REL: variants seen among roughly 807,000 people sequenced by gnomAD.
The protein encoded by REL is proto-oncogene c-Rel.
Under a neutral mutation model 45.9 loss-of-function variants are expected in REL, and 15 were observed. The ratio of observed to expected loss-of-function variants is 0.33; its 90% CI spans 0.22 to 0.50. The LOEUF (loss-of-function observed/expected upper bound fraction) is 0.50, where lower values mean the gene tolerates loss of function less well. Ranked by LOEUF, REL falls within the 20% of genes least tolerant of loss-of-function variation. The pLI, the probability that REL is intolerant of heterozygous loss-of-function variation, is 0.98. For missense variants in REL, 601 were observed against 715.2 expected, an observed-to-expected ratio of 0.84 and a Z score of 1.82; for synonymous variants, 239 against 242.1, an observed-to-expected ratio of 0.99 and a Z score of 0.12.
intron 3 of REL, 90 bp from the exon 4 acceptor site, chr2:60,900,902 C>T: frequency 9.4e-7 from 1 of 1,058,390 alleles, no homozygotes; most frequent in Non-Finnish European, 1.4e-6. Context: ...CAACTGACAG[C>T]ATGATAACTT....
intron 4 of REL, among the ~76,000 whole-genome samples, chr2:60,908,021 C>G (rs755980884): frequency 6.6e-6 from 1 of 152,012 alleles, no homozygotes; most frequent in African/African-American, 2.4e-5. Context: ...AAAAATATCA[C>G]AGTTGTTTTC....
Position 60,902,616 on chromosome 2 carries a change from G to T in REL, c.394+1533G>T, listed in dbSNP as rs1168378070. On this transcript the variant is annotated intron_variant, in intron 4 of 9. Coordinates refer to ENST00000394479, the MANE Select transcript of REL (RefSeq NM_001291746.2). ...TCATCTTTTTTTTTTTTTTTTTTGA[G>T]GTAGTCTTGCTCTGTCGCCCAGGAT... 7.3e-5 allele frequency among the ~76,000 whole-genome samples: 10 copies of T among 137,440 alleles called. No homozygotes were observed. The South Asian group carries it at 2.3e-3, about 31-fold the overall frequency. 90.2% of individuals were successfully genotyped at this position (137,440 alleles called of 152,430 possible). A position where few individuals can be genotyped will look rare whatever the true frequency, so the allele number is the denominator to read the frequency against.
In REL at chr2:60,926,734, C is replaced by G. The variant is rs1674277946; in HGVS notation, c.*4199C>G. 4.4e-6 allele frequency: 1 copy of G among 227,812 alleles called. No homozygotes were observed. The highest frequency in any genetic ancestry group is 1.8e-4 in the South Asian group (1 of 5,470). The allele number at this position is 227,812 out of a possible 1,614,324, so 14.1% of individuals were successfully genotyped here. On this transcript the variant is annotated 3_prime_UTR_variant, in exon 10 of 10. Transcript: ENST00000394479. ...CGCCACCCAAGATACTTACTAGGAACCTCAAAGTATTGTATTCTTTTTCTC... is the reference window on the plus strand; with the variant it reads ...CGCCACCCAAGATACTTACTAGGAAGCTCAAAGTATTGTATTCTTTTTCTC...
chr2:60,891,960 A>T (rs1558790313), intron 2 of REL, 135 bp downstream of exon 2: 87 of 768,636 alleles, frequency 1.1e-4, no homozygotes, highest in Middle Eastern at 3.7e-4. Context: ...TTTTTTTTTT[A>T]AACGGATCTG....
chr2:60,925,003 A>C lies in REL; in HGVS notation c.*2468A>C, dbSNP rs1674235955. The C allele has an allele frequency of 4.9e-6, 1 of 203,228 alleles. No individual in the cohort carries two copies. The allele number at this position is 203,228 out of a possible 1,614,324, so 12.6% of individuals were successfully genotyped here. A position where few individuals can be genotyped will look rare whatever the true frequency, so the allele number is the denominator to read the frequency against. On this transcript the variant is annotated 3_prime_UTR_variant, in exon 10 of 10. Transcript: ENST00000394479. ...AACGTAGTTATATTTTGGAGTTTTC[A>C]TTTGATATATAATTATTTATTTTGC...
chr2:60,918,409 G>T lies in REL; in HGVS notation c.656G>T (p.Arg219Leu). The change falls in exon 7 of 10, where the codon CGT becomes CTT. Residue 219 changes from arginine to leucine, a missense_variant. Arg to Leu is a moderately radical substitution (Grantham distance 102). Around this residue, in one of 4 missense-constraint regions of REL, gnomAD observed 241 missense variants for 347.0 expected, o/e 0.69. Coordinates refer to ENST00000394479, the MANE Select transcript of REL (RefSeq NM_001291746.2). ...TATTGACTAGATGACATAGAAGTTC[G>T]TTTTGTGTTGAACGATTGGGAAGCA... ...DKVQKDDIEV[R>L]FVLNDWEAKG... 1 of 1,611,128 alleles carries T rather than the reference G, an allele frequency of 6.2e-7. No individual in the cohort carries two copies. Among genetic ancestry groups the T allele is most frequent in the Non-Finnish European group, 8.5e-7 (1 of 1,179,288 alleles).
At chr2:60,891,535 C>T in intron 1 of REL, 148 bp from the exon 2 acceptor site, 1 of 689,780 alleles carries the variant, frequency 1.4e-6, no homozygotes, top group Non-Finnish European at 2.3e-6. Flanking sequence ...AGCCAATCTC[C>T]AAGATAACAT....
At chr2:60,920,460 C>T (rs1461543152) in intron 8 of REL, 114 bp from the exon 9 acceptor site, 1 of 807,812 alleles carries the variant, frequency 1.2e-6, no homozygotes. Context: ...CTTGGCCTCC[C>T]AAAGTGCTGG....
intron 1 of REL, 22 bp from the exon 2 acceptor site, chr2:60,891,661 C>T: frequency 3.2e-6 from 5 of 1,578,550 alleles, no homozygotes; most frequent in East Asian, 2.3e-5. Flanking sequence ...CACTGACCTC[C>T]TCCTTTTTAA....
At chr2:60,893,054 A>G (rs1673260469) in intron 2 of REL, among the ~76,000 whole-genome samples, 1 of 152,174 alleles carries the variant, frequency 6.6e-6, no homozygotes, top group Non-Finnish European at 1.5e-5. Flanking sequence ...TGCCCAGCCC[A>G]ATGTACTAAA....
At chr2:60,914,406 G>A (rs1020096652) in intron 4 of REL, among the ~76,000 whole-genome samples, 1 of 152,164 alleles carries the variant, frequency 6.6e-6, no homozygotes, top group African/African-American at 2.4e-5. Context: ...CATAAACAGT[G>A]ATTTTTTTTG....
At chr2:60,900,881 T>G in intron 3 of REL, 111 bp from the exon 4 acceptor site, 1 of 880,686 alleles carries the variant, frequency 1.1e-6, no homozygotes, top group Non-Finnish European at 1.7e-6. Context: ...ACGTTCATGC[T>G]TTGGTATGTA....
intron 2 of REL, among the ~76,000 whole-genome samples, chr2:60,892,975 A>T (rs564818452): frequency 6.6e-6 from 1 of 152,092 alleles, no homozygotes; most frequent in South Asian, 2.1e-4. Context: ...GGATGGTCTC[A>T]ATCTCCTGAC....
rs1371212594 is a variant in REL, at chr2:60,925,874, A to AT, written c.*3346dup. Reference sequence around the variant, plus strand: ...GTTCTGCTACATCTGTGTTTAGAATATTTTTTTAAAACTAAATAAGTGTTG... The same window carrying AT: ...GTTCTGCTACATCTGTGTTTAGAATATTTTTTTTAAAACTAAATAAGTGTTG... On this transcript the variant is annotated 3_prime_UTR_variant, in exon 10 of 10. Transcript: ENST00000394479. 2.7e-5 allele frequency: 6 copies of AT among 222,282 alleles called. No individual in the cohort carries two copies. The highest frequency in any genetic ancestry group is 5.4e-5 in the Non-Finnish European group (6 of 110,956). 13.8% of individuals were successfully genotyped at this position (222,282 alleles called of 1,614,324 possible).
At chr2:60,906,259 A>G (rs1004514210) in intron 4 of REL, among the ~76,000 whole-genome samples, 1 of 152,210 alleles carries the variant, frequency 6.6e-6, no homozygotes, top group South Asian at 2.1e-4. Flanking sequence ...GGGTGGAGAC[A>G]CAGAGCCAAA....
Position 60,929,006 on chromosome 2 carries a change from C to T in REL, c.*6471C>T, listed in dbSNP as rs1345606645. Reference sequence around the variant, plus strand: ...AAAAACAACCCCATCAAAAAGTGGGCGAAGGACATGAACAGACACTTCTCA... The same window carrying T: ...AAAAACAACCCCATCAAAAAGTGGGTGAAGGACATGAACAGACACTTCTCA... On this transcript the variant is annotated 3_prime_UTR_variant, in exon 10 of 10. Coordinates refer to ENST00000394479, the MANE Select transcript of REL (RefSeq NM_001291746.2). 8.0e-4 allele frequency: 117 copies of T among 147,102 alleles called. No homozygotes were observed. The highest frequency in any genetic ancestry group is 2.6e-3 in the African/African-American group (106 of 40,478). 9.1% of individuals were successfully genotyped at this position (147,102 alleles called of 1,614,324 possible).
chr2:60,903,032 C>T (rs1198943379), intron 4 of REL, among the ~76,000 whole-genome samples: 1 of 152,164 alleles, frequency 6.6e-6, no homozygotes, highest in Non-Finnish European at 1.5e-5. Context: ...AGAGTATGCT[C>T]ATTTAAAATT....
chr2:60,920,228 ATCTC>A (rs1674100882), intron 8 of REL, 119 bp downstream of exon 8: 1 of 813,058 alleles, frequency 1.2e-6, no homozygotes, highest in Non-Finnish European at 2.0e-6. Flanking sequence ...TTGAGATAGC[ATCTC>A]TCTCTGTCAC....
chr2:60,899,739 A>G (rs1673446382), intron 3 of REL: 1 of 152,298 alleles, frequency 6.6e-6, no homozygotes, highest in Non-Finnish European at 1.5e-5. Context: ...TGGTTTTTCC[A>G]TGTGGGAACA....
Sources: allele counts gnomAD v4.1 joint callset (sites outside exome capture counted in the v4.1 genomes callset), GRCh38; gene constraint gnomAD v4.1.1; regional missense constraint gnomAD v4.1.1; transcripts MANE v1.5; gene names NCBI Gene and HGNC (gene_info 2026-07-23, HGNC 2026-07-21).